OSBP2: variants seen among roughly 807,000 people sequenced by gnomAD.
OSBP2 encodes oxysterol binding protein 2.
Under a neutral mutation model 96.0 loss-of-function variants are expected in OSBP2, and 66 were observed. That is an observed-to-expected ratio of 0.69 (90% CI 0.56 to 0.84). The LOEUF (loss-of-function observed/expected upper bound fraction) is 0.84, where lower values mean the gene tolerates loss of function less well. Among genes scored for constraint, OSBP2 ranks in the 40% least tolerant of loss-of-function variants. OSBP2 has a pLI of 0.00. For missense variants in OSBP2, 1,038 were observed against 1,222.7 expected (o/e 0.85, Z 2.25); for synonymous variants, 525 against 520.9 (o/e 1.01, Z -0.11).
At chr22:30,730,739 T>A (rs1407685953) in intron 1 of OSBP2, among the ~76,000 whole-genome samples, 2 of 35,850 alleles carry the variant, frequency 5.6e-5, no homozygotes, top group African/African-American at 2.2e-4. Flanking sequence ...TCTCTCTCTC[T>A]CTCTCTCTCT....
intron 1 of OSBP2, among the ~76,000 whole-genome samples, chr22:30,727,377 C>A (rs545745011): frequency 4.1e-4 from 63 of 152,232 alleles, no homozygotes; most frequent in Non-Finnish European, 7.2e-4. Context: ...GGTTTTTAGT[C>A]AAAAACCACA....
At chr22:30,785,002 G>C (rs1245549345) in intron 2 of OSBP2, among the ~76,000 whole-genome samples, 1 of 152,060 alleles carries the variant, frequency 6.6e-6, no homozygotes, top group Non-Finnish European at 1.5e-5. Context: ...TTGAACTCCT[G>C]ACCTCAGGTT....
At chr22:30,740,986 C>T (rs1479447639) in intron 1 of OSBP2, among the ~76,000 whole-genome samples, 175 bp from the exon 2 acceptor site, 1 of 152,128 alleles carries the variant, frequency 6.6e-6, no homozygotes, top group African/African-American at 2.4e-5. Flanking sequence ...CTTAGAGTCC[C>T]CCTCAACCAA....
rs892810989 is a variant in OSBP2, at chr22:30,811,111, G to GGTATTT, written c.854-59317_854-59312dup. Among the ~76,000 whole-genome samples the GGTATTT allele has an allele frequency of 1.8e-4, 27 of 151,438 alleles. No individual in the cohort carries two copies. The Middle Eastern group carries it at 0.01, about 58-fold the overall frequency. On this transcript the variant is annotated intron_variant, in intron 2 of 13. Transcript: ENST00000332585. The stretch of plus-strand genomic sequence containing the variant: ...ATATACTCACCAATTTGTCAGTACT[G>GGTATTT]GTATTTTCCAGATCTTTTCCCATGC...
chr22:30,750,317 CT>C, intron 2 of OSBP2, among the ~76,000 whole-genome samples: 1 of 152,314 alleles, frequency 6.6e-6, no homozygotes, highest in Non-Finnish European at 1.5e-5. Flanking sequence ...AGTTCCCTGT[CT>C]TTGGCATTCC....
intron 2 of OSBP2, among the ~76,000 whole-genome samples, chr22:30,847,811 T>G (rs907793386): frequency 6.6e-5 from 10 of 152,196 alleles, no homozygotes; most frequent in African/African-American, 2.2e-4. Flanking sequence ...GTCTGTGAGA[T>G]CTGTAGTGAT....
chr22:30,803,081 G>T, intron 2 of OSBP2: 1 of 210,078 alleles, frequency 4.8e-6, no homozygotes, highest in Admixed American at 6.1e-5. Context: ...GCGCGGCGGC[G>T]GGAAGGCGGC....
intron 2 of OSBP2, among the ~76,000 whole-genome samples, chr22:30,777,900 A>G (rs1040804568): frequency 6.6e-6 from 1 of 152,190 alleles, no homozygotes; most frequent in Non-Finnish European, 1.5e-5. Flanking sequence ...AGAGGGAGGA[A>G]GAAGGAATTG....
chr22:30,892,017 G>C (rs1275737840), intron 8 of OSBP2, among the ~76,000 whole-genome samples: 6 of 152,196 alleles, frequency 3.9e-5, no homozygotes, highest in Non-Finnish European at 8.8e-5. Flanking sequence ...GCAGCAGCTG[G>C]AGGGCGGTGC....
At chr22:30,726,071 G>A (rs562337808) in intron 1 of OSBP2, among the ~76,000 whole-genome samples, 7 of 152,046 alleles carry the variant, frequency 4.6e-5, no homozygotes, top group South Asian at 2.1e-4. Context: ...TGAGCCCCCC[G>A]GCCAAAACAG....
At chr22:30,845,878 CAAAAAA>C (rs544099138) in intron 2 of OSBP2, among the ~76,000 whole-genome samples, 1 of 70,590 alleles carries the variant, frequency 1.4e-5, no homozygotes, top group African/African-American at 4.8e-5. Context: ...GAGACTCTCT[CAAAAAA>C]AAAAAAAAAA....
At chr22:30,776,589 C>T (rs1357053125) in intron 2 of OSBP2, among the ~76,000 whole-genome samples, 1 of 151,688 alleles carries the variant, frequency 6.6e-6, no homozygotes, top group Non-Finnish European at 1.5e-5. Flanking sequence ...TTTCTGTGCT[C>T]ACTTTTTTTT....
chr22:30,820,284 G>A (rs1282274448), intron 2 of OSBP2, among the ~76,000 whole-genome samples: 1 of 152,036 alleles, frequency 6.6e-6, no homozygotes, highest in African/African-American at 2.4e-5. Context: ...AGCTACTCAG[G>A]AGGCTGAGGC....
chr22:30,862,569 A>G (rs2039234838), intron 2 of OSBP2, among the ~76,000 whole-genome samples: 1 of 152,152 alleles, frequency 6.6e-6, no homozygotes, highest in Non-Finnish European at 1.5e-5. Flanking sequence ...AATCTCAGCT[A>G]CTGGGGAGGC....
intron 12 of OSBP2, among the ~76,000 whole-genome samples, chr22:30,900,997 C>G (rs575351541): frequency 2.0e-5 from 3 of 152,268 alleles, no homozygotes; most frequent in African/African-American, 7.2e-5. Context: ...TCTACCTACA[C>G]TTGACAGAGG....
chr22:30,760,110 C>T (rs527506590), intron 2 of OSBP2, among the ~76,000 whole-genome samples: 4 of 151,832 alleles, frequency 2.6e-5, no homozygotes, highest in East Asian at 3.9e-4. Context: ...TCAGGTGATC[C>T]GCCTGCCTTG....
chr22:30,903,484 G>T (rs1395365014), intron 12 of OSBP2, among the ~76,000 whole-genome samples: 2 of 152,242 alleles, frequency 1.3e-5, no homozygotes, highest in Non-Finnish European at 2.9e-5. Flanking sequence ...AGAGCTGAAA[G>T]TGGAGACCGT....
At chr22:30,858,348 T>G (rs567721230) in intron 2 of OSBP2, among the ~76,000 whole-genome samples, 28 of 150,358 alleles carry the variant, frequency 1.9e-4, no homozygotes, top group East Asian at 1.6e-3. Context: ...GGGTTTCACC[T>G]TGTTAGCCAG....
intron 1 of OSBP2, among the ~76,000 whole-genome samples, chr22:30,707,105 C>CT (rs953822480): frequency 1.2e-4 from 18 of 148,464 alleles, no homozygotes; most frequent in Middle Eastern, 3.4e-3. Context: ...TTCAGTGAAG[C>CT]TTTTTTTTTT....
Sources: gnomAD v4.1 joint callset for allele counts (sites outside exome capture counted in the v4.1 genomes callset) on GRCh38, gnomAD v4.1.1 for gene constraint, MANE v1.5 for transcripts, NCBI Gene and HGNC (gene_info 2026-07-23, HGNC 2026-07-21) for gene names.